The following FBXO36 variants were observed in gnomAD, a reference collection of about 807,000 sequenced individuals.
FBXO36 encodes F-box only protein 36.
In FBXO36, 18 loss-of-function variants were observed where a neutral mutation model predicts 17.0. The ratio of observed to expected loss-of-function variants is 1.06; its 90% CI spans 0.73 to 1.57. The LOEUF (loss-of-function observed/expected upper bound fraction) is 1.57. Among genes scored for constraint, FBXO36 ranks in the 40% most tolerant of loss-of-function variants. FBXO36 has a pLI of 0.00. For synonymous variants in FBXO36, 83 were observed against 85.3 expected, an observed-to-expected ratio of 0.97 and a Z score of 0.15; for missense variants, 229 against 221.9, an observed-to-expected ratio of 1.03 and a Z score of -0.20.
At chr2:229,961,458 C>T (rs1376134960) in intron 1 of FBXO36, among the ~76,000 whole-genome samples, 2 of 152,082 alleles carry the variant, frequency 1.3e-5, no homozygotes, top group Non-Finnish European at 2.9e-5. Context: ...TCACTGCAAC[C>T]TCCGCCTCCC....
intron 1 of FBXO36, among the ~76,000 whole-genome samples, chr2:229,974,036 C>A (rs555497451): frequency 2.1e-4 from 32 of 152,210 alleles, no homozygotes; most frequent in Admixed American, 1.2e-3. Flanking sequence ...GGTGACAGAA[C>A]AAGACCCCGT....
chr2:229,969,107 C>G (rs2077168097), intron 1 of FBXO36, among the ~76,000 whole-genome samples: 1 of 152,012 alleles, frequency 6.6e-6, no homozygotes, highest in African/African-American at 2.4e-5. Flanking sequence ...TGAGTAAATT[C>G]TGTTAAGCAT....
chr2:229,950,956 C>T (rs983408916), intron 1 of FBXO36, among the ~76,000 whole-genome samples: 5 of 150,820 alleles, frequency 3.3e-5, no homozygotes, highest in African/African-American at 4.9e-5. Context: ...ATTTTTGAGA[C>T]GGAGTCTCGC....
At chr2:229,971,838 T>C (rs980384985) in intron 1 of FBXO36, among the ~76,000 whole-genome samples, 1 of 151,362 alleles carries the variant, frequency 6.6e-6, no homozygotes, top group Non-Finnish European at 1.5e-5. Context: ...CCCAACTAAT[T>C]TTTTTTGTTT....
At chr2:229,970,563 C>G (rs901797574) in intron 1 of FBXO36, among the ~76,000 whole-genome samples, 1 of 152,108 alleles carries the variant, frequency 6.6e-6, no homozygotes. Context: ...GAAGCCATCT[C>G]TATGTAATTG....
intron 1 of FBXO36, among the ~76,000 whole-genome samples, chr2:229,975,633 C>T (rs1376353188): frequency 2.0e-5 from 3 of 151,530 alleles, no homozygotes; most frequent in Non-Finnish European, 2.9e-5. Flanking sequence ...ACCACAATGC[C>T]CAGCTCATTT....
intron 2 of FBXO36, among the ~76,000 whole-genome samples, chr2:229,977,439 GTTTTGTTTTTTGTT>G (rs564569298): frequency 1.3e-5 from 2 of 151,904 alleles, no homozygotes; most frequent in Non-Finnish European, 2.9e-5. Context: ...AGACAGAATG[GTTTTGTTTTTTGTT>G]TTTTGTTTTT....
intron 1 of FBXO36, among the ~76,000 whole-genome samples, chr2:229,954,981 C>T (rs928766088): frequency 2.2e-4 from 34 of 151,936 alleles, no homozygotes; most frequent in African/African-American, 8.0e-4. Flanking sequence ...TCCCAAGTAG[C>T]TGGGACTACG....
chr2:230,006,740 C>G (rs2077388759), intron 3 of FBXO36, among the ~76,000 whole-genome samples: 1 of 152,090 alleles, frequency 6.6e-6, no homozygotes, highest in Non-Finnish European at 1.5e-5. Context: ...TTTCATGGAG[C>G]CTGTTAAGAG....
intron 1 of FBXO36, among the ~76,000 whole-genome samples, chr2:229,973,896 A>G (rs1280157552): frequency 6.6e-6 from 1 of 151,654 alleles, no homozygotes; most frequent in Non-Finnish European, 1.5e-5. Flanking sequence ...AAAAAATACA[A>G]AAATTAGCCT....
chr2:229,968,921 G>A (rs528221616), intron 1 of FBXO36, among the ~76,000 whole-genome samples: 107 of 151,818 alleles, frequency 7.0e-4, no homozygotes, highest in African/African-American at 2.5e-3. Context: ...TTACAGGCGT[G>A]CACCACCACA....
rs551682845 is a variant in FBXO36 at position 229,982,028 on chromosome 2, G to GT, written c.205+5690dup. On this transcript the variant is annotated intron_variant, in intron 2 of 3. Transcript: ENST00000283946. ...CACTTGAGTTTTTTGTTTTGTTTTT[G>GT]TTTTTTTTTTTGAGAGACCTAGCCT... 7.8e-3 allele frequency among the ~76,000 whole-genome samples: 1,129 copies of GT among 144,336 alleles called. 6 individuals are homozygous for GT. The highest frequency in any genetic ancestry group is 0.022 in the African/African-American group (858 of 39,782). 94.7% of individuals were successfully genotyped at this position (144,336 alleles called of 152,430 possible).
chr2:229,943,479 C>T (rs1049308714), intron 1 of FBXO36, among the ~76,000 whole-genome samples: 2 of 152,058 alleles, frequency 1.3e-5, no homozygotes, highest in African/African-American at 4.8e-5. Flanking sequence ...CTGAGTCTTT[C>T]CACTATAAAT....
chr2:229,975,029 TA>T (rs2077199991), intron 1 of FBXO36, among the ~76,000 whole-genome samples: 1 of 152,184 alleles, frequency 6.6e-6, no homozygotes, highest in Admixed American at 6.6e-5. Context: ...ATTACAGGTT[TA>T]AAAACATAAT....
In FBXO36 at chr2:230,012,839, CAG is replaced by C. The variant is rs1251029154; in HGVS notation, c.*1957_*1958del. ...TCATGTGTAGTATTTTATCAACAAA[CAG>C]ATTCTGAAAGCTTATGGACATGCGC... On this transcript the variant is annotated 3_prime_UTR_variant, in exon 4 of 4. Transcript: ENST00000283946. The C allele has an allele frequency of 1.3e-5, 2 of 151,694 alleles. No homozygotes were observed. The highest frequency in any genetic ancestry group is 2.4e-5 in the African/African-American group (1 of 41,410). The allele number at this position is 151,694 out of a possible 1,614,324, so 9.4% of individuals were successfully genotyped here.
At chr2:229,937,643 G>A (rs2076971180) in intron 1 of FBXO36, among the ~76,000 whole-genome samples, 1 of 152,158 alleles carries the variant, frequency 6.6e-6, no homozygotes, top group African/African-American at 2.4e-5. Flanking sequence ...CAGCAGTGTT[G>A]GCTTTTTTTC....
intron 2 of FBXO36, among the ~76,000 whole-genome samples, chr2:229,995,588 C>CTTTTTTTTTTTTTTTTTTTTTTT (rs1560454291): frequency 2.5e-5 from 3 of 121,364 alleles, no homozygotes; most frequent in Non-Finnish European, 5.2e-5. Flanking sequence ...CTTTCTCTTT[C>CTTTTTTTTTTTTTTTTTTTTTTT]TTTCTTTCTT....
intron 3 of FBXO36, among the ~76,000 whole-genome samples, chr2:230,000,383 C>G (rs947260502): frequency 2.7e-5 from 4 of 146,162 alleles, no homozygotes; most frequent in Non-Finnish European, 4.5e-5. Context: ...AAAAAAGAAG[C>G]AGCAGCAGCT....
chr2:229,995,447 C>T (rs2077319939), intron 2 of FBXO36, among the ~76,000 whole-genome samples: 1 of 150,720 alleles, frequency 6.6e-6, no homozygotes, highest in Non-Finnish European at 1.5e-5. Flanking sequence ...TATGAAGCAT[C>T]CAGCCTGAGC....
Sources: gnomAD v4.1 joint callset for allele counts (sites outside exome capture counted in the v4.1 genomes callset) on GRCh38, gnomAD v4.1.1 for gene constraint, MANE v1.5 for transcripts, NCBI Gene and HGNC (gene_info 2026-07-23, HGNC 2026-07-21) for gene names.